SCAPER: variants seen among roughly 807,000 people sequenced by gnomAD.
SCAPER encodes S-phase cyclin A associated protein in the ER, also known as S phase cyclin A-associated protein in the endoplasmic reticulum.
SCAPER carries 98 observed loss-of-function variants against 182.2 expected under a neutral mutation model. The ratio of observed to expected loss-of-function variants is 0.54; its 90% CI spans 0.46 to 0.64. The LOEUF (loss-of-function observed/expected upper bound fraction) is 0.64, where lower values mean the gene tolerates loss of function less well. Among genes scored for constraint, SCAPER ranks in the 30% least tolerant of loss-of-function variants. SCAPER has a pLI of 0.00. For missense variants in SCAPER, 1,432 were observed against 1,690.0 expected (o/e 0.85, Z 2.68); for synonymous variants, 605 against 564.6 (o/e 1.07, Z -1.01).
chr15:76,392,111 C>T (rs2142026908), intron 27 of SCAPER, among the ~76,000 whole-genome samples: 1 of 152,196 alleles, frequency 6.6e-6, no homozygotes, highest in South Asian at 2.1e-4. Context: ...GTAGAAATTG[C>T]CAGTAGGAAT....
intron 4 of SCAPER, among the ~76,000 whole-genome samples, chr15:76,842,534 C>T (rs528746575): frequency 6.6e-6 from 1 of 152,218 alleles, no homozygotes; most frequent in African/African-American, 2.4e-5. Context: ...CTGAGGCCTC[C>T]GCAACCATGC....
chr15:76,875,444 G>C (rs551763011), intron 2 of SCAPER, among the ~76,000 whole-genome samples: 1 of 152,292 alleles, frequency 6.6e-6, no homozygotes, highest in South Asian at 2.1e-4. Flanking sequence ...AGGAGTTCAA[G>C]ACCACCCTGG....
At chr15:76,861,450 C>G (rs1212588158) in intron 3 of SCAPER, among the ~76,000 whole-genome samples, 1 of 152,058 alleles carries the variant, frequency 6.6e-6, no homozygotes, top group Non-Finnish European at 1.5e-5. Flanking sequence ...GAAAAGATAC[C>G]AGACAAACCT....
intron 21 of SCAPER, among the ~76,000 whole-genome samples, chr15:76,652,371 C>CACACACACATATATAT (rs764864981): frequency 1.1e-3 from 9 of 8,066 alleles, no homozygotes; most frequent in South Asian, 7.7e-3. Flanking sequence ...CACACACACA[C>CACACACACATATATAT]ATATATATAT....
Position 76,381,440 on chromosome 15 carries a change from C to G in SCAPER, c.3643G>C (p.Val1215Leu), listed in dbSNP as rs2042935783. Residue 1215 changes from valine to leucine, a missense_variant, in exon 28 of 32, where the codon GTG (valine) becomes CTG (leucine). Val to Leu is a conservative substitution (Grantham distance 32). Coordinates refer to ENST00000563290, the MANE Select transcript of SCAPER (RefSeq NM_020843.4). ...AAGAAACGTAAACTCTGAATGGCCA[C>G]TTGGATGGTATTTTGAGTGTAATTC... ...KENYTQNTIQVAIQSLRFFNS... is the reference protein window; with the variant it reads ...KENYTQNTIQLAIQSLRFFNS... The G allele has an allele frequency of 1.9e-6, 3 of 1,613,826 alleles. No individual in the cohort carries two copies. The highest frequency in any genetic ancestry group is 1.6e-4 in the Middle Eastern group (1 of 6,062).
rs538682996 is a variant in SCAPER, at chr15:76,468,557, G to A, written c.3078+2655C>T. On this transcript the variant is annotated intron_variant, in intron 25 of 31. Transcript: ENST00000563290. ...AAGAAAATGATCAAGGTACCCACAA[G>A]CTCCAGGCCCATGGTTGGTACTTAA... Among the ~76,000 whole-genome samples the A allele has an allele frequency of 1.4e-4, 21 of 152,204 alleles. 1 individual carries two copies. The South Asian group carries it at 4.4e-3, about 32-fold the overall frequency.
chr15:76,795,124 T>C (rs778946239), intron 8 of SCAPER, 156 bp downstream of exon 8: 2 of 684,746 alleles, frequency 2.9e-6, no homozygotes, highest in Non-Finnish European at 4.4e-6. Context: ...AAAAGTAGTT[T>C]TGCTCGGCTT....
At chr15:76,541,046 G>A (rs1597291499) in intron 23 of SCAPER, among the ~76,000 whole-genome samples, 1 of 152,042 alleles carries the variant, frequency 6.6e-6, no homozygotes, top group East Asian at 1.9e-4. Context: ...CTTGAACCCG[G>A]GAGGCGGAGG....
At chr15:76,476,934 A>G (rs1444046116) in intron 24 of SCAPER, among the ~76,000 whole-genome samples, 1 of 152,192 alleles carries the variant, frequency 6.6e-6, no homozygotes, top group Admixed American at 6.5e-5. Flanking sequence ...TGTTTTAACA[A>G]CAGTCAGAAT....
chr15:76,628,492 A>C (rs2052793222), intron 21 of SCAPER, among the ~76,000 whole-genome samples: 1 of 152,212 alleles, frequency 6.6e-6, no homozygotes. Context: ...TCTTCTGCAT[A>C]TGGCTAGCCA....
At chr15:76,454,322 T>G (rs1185987474) in intron 25 of SCAPER, among the ~76,000 whole-genome samples, 1 of 152,214 alleles carries the variant, frequency 6.6e-6, no homozygotes, top group Non-Finnish European at 1.5e-5. Flanking sequence ...TGACCGCTTG[T>G]TTGAGCTATC....
At chr15:76,667,479 T>A (rs183914181) in intron 20 of SCAPER, among the ~76,000 whole-genome samples, 1 of 151,980 alleles carries the variant, frequency 6.6e-6, no homozygotes, top group Non-Finnish European at 1.5e-5. Context: ...CAAATTTTTA[T>A]CTCTAGTTCT....
chr15:76,840,061 A>G (rs750959942), intron 5 of SCAPER, among the ~76,000 whole-genome samples: 2 of 152,212 alleles, frequency 1.3e-5, no homozygotes, highest in Non-Finnish European at 2.9e-5. Flanking sequence ...AGTGTCTTCT[A>G]CCGCAACATA....
At position 76,518,371 on chromosome 15, in the gene SCAPER, T is replaced by C. The variant is rs180814985; in HGVS notation, c.2839-13397A>G. Among the ~76,000 whole-genome samples, 76 of 152,310 alleles carry C rather than the reference T, an allele frequency of 5.0e-4. 1 individual carries two copies. Among genetic ancestry groups the C allele is most frequent in the Admixed American group, 1.8e-3 (27 of 15,302 alleles). On this transcript the variant is annotated intron_variant, in intron 23 of 31. Coordinates refer to ENST00000563290, the MANE Select transcript of SCAPER (RefSeq NM_020843.4). ...ACTTGTGCCATGATAAGATATTTAT[T>C]GCAATATATATATTTTTTCTTTCCA...
At chr15:76,412,635 T>C (rs781340988) in intron 26 of SCAPER, among the ~76,000 whole-genome samples, 2 of 152,184 alleles carry the variant, frequency 1.3e-5, no homozygotes, top group Admixed American at 1.3e-4. Context: ...CCAGACTGTC[T>C]TGATTAGCAT....
intron 21 of SCAPER, among the ~76,000 whole-genome samples, chr15:76,664,315 G>A (rs750173947): frequency 3.3e-5 from 5 of 152,132 alleles, no homozygotes; most frequent in Non-Finnish European, 7.4e-5. Context: ...TTAGAGAGAC[G>A]TTGTCAAATT....
chr15:76,661,631 A>G (rs1162871379), intron 21 of SCAPER, among the ~76,000 whole-genome samples: 1 of 152,240 alleles, frequency 6.6e-6, no homozygotes. Flanking sequence ...CCACAATGAG[A>G]TACCATCTCA....
intron 17 of SCAPER, among the ~76,000 whole-genome samples, chr15:76,712,522 C>G (rs1293394392): frequency 5.9e-5 from 9 of 152,132 alleles, no homozygotes; most frequent in Non-Finnish European, 1.0e-4. Context: ...TATAAATTAC[C>G]TTGGGCAGTA....
chr15:76,348,061 G>C lies in SCAPER; in HGVS notation c.*572C>G, dbSNP rs546690484. On this transcript the variant is annotated 3_prime_UTR_variant, in exon 32 of 32. Coordinates refer to ENST00000563290, the MANE Select transcript of SCAPER (RefSeq NM_020843.4). ...ATGCCAAGAGAGGATTATCTGCTAG[G>C]AGAGTTCGGGCAGACCAATGAATAC... 1 of 152,356 alleles carries C rather than the reference G, an allele frequency of 6.6e-6. No individual in the cohort carries two copies. The highest frequency in any genetic ancestry group is 1.5e-5 in the Non-Finnish European group (1 of 68,054). 9.4% of individuals were successfully genotyped at this position (152,356 alleles called of 1,614,324 possible).
Sources: allele counts gnomAD v4.1 joint callset (sites outside exome capture counted in the v4.1 genomes callset), GRCh38; gene constraint gnomAD v4.1.1; transcripts MANE v1.5; gene names NCBI Gene and HGNC (gene_info 2026-07-23, HGNC 2026-07-21).